Variants in SYNDIG1L observed in about 807,000 individuals in gnomAD.
SYNDIG1L encodes the protein synapse differentiation-inducing gene protein 1-like.
In SYNDIG1L, 13 loss-of-function variants were observed where a neutral mutation model predicts 20.1. The observed-to-expected ratio is 0.65, with a 90% CI of 0.42 to 1.03. The LOEUF is 1.03. Ranked by LOEUF, SYNDIG1L falls within the 50% of genes least tolerant of loss-of-function variation. The pLI, the probability that SYNDIG1L is intolerant of heterozygous loss-of-function variation, is 0.00. For missense variants in SYNDIG1L, 294 were observed against 305.1 expected (o/e 0.96, Z 0.27); for synonymous variants, 128 against 129.3 (o/e 0.99, Z 0.07).
chr14:74,421,239 C>T (rs1193271146), intron 1 of SYNDIG1L, among the ~76,000 whole-genome samples: 7 of 151,756 alleles, frequency 4.6e-5, no homozygotes, highest in African/African-American at 7.3e-5. Context: ...AAATAATCGC[C>T]GAAATTTTCA....
chr14:74,476,336 T>A, the SYNDIG1L span: 34 of 661,918 alleles, frequency 5.1e-5, no homozygotes, highest in Admixed American at 1.5e-4. Context: ...CCAGGCTCCT[T>A]CTTGGCCTTA....
the SYNDIG1L span, among the ~76,000 whole-genome samples, chr14:74,437,374 A>G: frequency 3.9e-5 from 6 of 152,304 alleles, no homozygotes; most frequent in Non-Finnish European, 5.9e-5. Flanking sequence ...GGCTTACTTC[A>G]CATCTCTTTT....
At chr14:74,438,535 G>GAA in the SYNDIG1L span, among the ~76,000 whole-genome samples, 7 of 152,170 alleles carry the variant, frequency 4.6e-5, no homozygotes, top group Admixed American at 2.0e-4. Flanking sequence ...TTTCTCCTCA[G>GAA]GTCAAATTGC....
the SYNDIG1L span, among the ~76,000 whole-genome samples, chr14:74,438,984 C>T: frequency 3.3e-5 from 5 of 152,084 alleles, no homozygotes; most frequent in African/African-American, 1.2e-4. Context: ...CGTGGTGGCA[C>T]GTGCCTGTAA....
At chr14:74,476,667 G>T in the SYNDIG1L span, 3 of 1,160,718 alleles carry the variant, frequency 2.6e-6, no homozygotes, top group Non-Finnish European at 3.7e-6. Flanking sequence ...CACCCACATT[G>T]CCCACCCTCT....
chr14:74,464,579 C>G, the SYNDIG1L span, among the ~76,000 whole-genome samples: 1 of 152,136 alleles, frequency 6.6e-6, no homozygotes, highest in Non-Finnish European at 1.5e-5. Context: ...CAGAATAACC[C>G]AGCAGAAAAC....
At chr14:74,452,421 G>A in the SYNDIG1L span, among the ~76,000 whole-genome samples, 1 of 152,208 alleles carries the variant, frequency 6.6e-6, no homozygotes, top group South Asian at 2.1e-4. Context: ...CTGCATGATA[G>A]TATATGAGTT....
At chr14:74,458,628 A>C in the SYNDIG1L span, among the ~76,000 whole-genome samples, 1 of 151,818 alleles carries the variant, frequency 6.6e-6, no homozygotes, top group Admixed American at 6.6e-5. Flanking sequence ...TCTCAAAAAA[A>C]AAAAAAAAAA....
At chr14:74,431,246 T>G in the SYNDIG1L span, among the ~76,000 whole-genome samples, 1 of 152,246 alleles carries the variant, frequency 6.6e-6, no homozygotes, top group South Asian at 2.1e-4. Flanking sequence ...CGTGTGTGTG[T>G]GTGTATATGT....
At chr14:74,412,376 C>T (rs902205754) in intron 1 of SYNDIG1L, among the ~76,000 whole-genome samples, 1 of 152,178 alleles carries the variant, frequency 6.6e-6, no homozygotes, top group African/African-American at 2.4e-5. Context: ...GCTCTGTAAG[C>T]CGTATGGATT....
the SYNDIG1L span, among the ~76,000 whole-genome samples, chr14:74,444,490 C>G: frequency 6.6e-6 from 1 of 151,866 alleles, no homozygotes; most frequent in South Asian, 2.1e-4. Context: ...GTGGCTCATG[C>G]CTGTAATCCC....
upstream of SYNDIG1L, among the ~76,000 whole-genome samples, chr14:74,428,486 T>C (rs573168666): frequency 6.6e-6 from 1 of 152,288 alleles, no homozygotes; most frequent in South Asian, 2.1e-4. Flanking sequence ...TAAACCATTG[T>C]CCAGGCCTTT....
At chr14:74,414,767 C>T (rs2086161365) in intron 1 of SYNDIG1L, among the ~76,000 whole-genome samples, 1 of 152,096 alleles carries the variant, frequency 6.6e-6, no homozygotes, top group South Asian at 2.1e-4. Context: ...ACTCTAGATT[C>T]CTGGTAATAG....
the SYNDIG1L span, among the ~76,000 whole-genome samples, chr14:74,452,070 A>T: frequency 6.6e-6 from 1 of 151,972 alleles, no homozygotes. Flanking sequence ...TGGGCAAAAG[A>T]CTTTTAACAC....
chr14:74,469,619 T>G, the SYNDIG1L span, among the ~76,000 whole-genome samples: 1 of 152,110 alleles, frequency 6.6e-6, no homozygotes, highest in African/African-American at 2.4e-5. Flanking sequence ...GGTGCAGAGG[T>G]CATCACCTGT....
chr14:74,479,380 G>A, the SYNDIG1L span: 2 of 152,340 alleles, frequency 1.3e-5, no homozygotes, highest in East Asian at 1.9e-4. Flanking sequence ...TAAGGTCCAT[G>A]TTATTCAACT....
At chr14:74,440,502 G>C in the SYNDIG1L span, among the ~76,000 whole-genome samples, 1 of 134,274 alleles carries the variant, frequency 7.4e-6, no homozygotes, top group Non-Finnish European at 1.5e-5. Context: ...GCGACAGAGC[G>C]AGACTCCGTC....
rs766212826 is a variant in SYNDIG1L, at chr14:74,409,669, G to C, written c.76C>G (p.Pro26Ala). The change falls in exon 2 of 4, where the codon CCG becomes GCG. Residue 26 changes from proline (P) to alanine (A), a missense_variant. Transcript: ENST00000331628. Reference sequence around the variant, plus strand: ...CAGGACCAGCTGGGTGGGGTCTCCGGGTAGGGATAGGGGCCATGGAGATGG... The same window carrying C: ...CAGGACCAGCTGGGTGGGGTCTCCGCGTAGGGATAGGGGCCATGGAGATGG... ...PAHLHGPYPY[P>A]ETPPSWSCQE... The C allele has an allele frequency of 1.3e-6, 2 of 1,499,444 alleles. No individual in the cohort carries two copies. The highest frequency in any genetic ancestry group is 1.8e-6 in the Non-Finnish European group (2 of 1,125,318). 92.9% of individuals were successfully genotyped at this position (1,499,444 alleles called of 1,614,324 possible). A position where few individuals can be genotyped will look rare whatever the true frequency, so the allele number is the denominator to read the frequency against.
the SYNDIG1L span, among the ~76,000 whole-genome samples, chr14:74,469,358 C>T: frequency 7.4e-5 from 8 of 108,828 alleles, no homozygotes; most frequent in Admixed American, 1.4e-4. Context: ...CATCACACAC[C>T]GGGGTCTGTC....
Sources: allele counts gnomAD v4.1 joint callset (sites outside exome capture counted in the v4.1 genomes callset), GRCh38; gene constraint gnomAD v4.1.1; transcripts MANE v1.5; gene names NCBI Gene and HGNC (gene_info 2026-07-23, HGNC 2026-07-21).